The following ERC2 variants were observed in gnomAD, a reference collection of about 807,000 sequenced individuals.
ERC2 encodes ELKS/RAB6-interacting/CAST family member 2, also known as ERC protein 2.
A neutral mutation model predicts 114.8 loss-of-function variants in ERC2; 42 were observed. The ratio of observed to expected loss-of-function variants is 0.37; its 90% CI spans 0.29 to 0.47. The LOEUF (loss-of-function observed/expected upper bound fraction) is 0.47. ERC2 is among the 20% of genes least tolerant of loss of function. The pLI, the probability that ERC2 is intolerant of heterozygous loss-of-function variation, is 0.99. For missense variants in ERC2, 939 were observed against 1,150.7 expected, an observed-to-expected ratio of 0.82 and a Z score of 2.66; for synonymous variants, 454 against 425.5, an observed-to-expected ratio of 1.07 and a Z score of -0.82.
intron 6 of ERC2, among the ~76,000 whole-genome samples, chr3:56,087,802 T>C (rs1452191246): frequency 1.3e-5 from 2 of 152,208 alleles, no homozygotes; most frequent in African/African-American, 2.4e-5. Context: ...TTTTTCCTAA[T>C]CGTAGACTTG....
intron 7 of ERC2, among the ~76,000 whole-genome samples, chr3:56,023,034 C>A (rs1008619237): frequency 2.0e-5 from 3 of 152,156 alleles, no homozygotes; most frequent in Admixed American, 6.6e-5. Flanking sequence ...TGAAGCTCTG[C>A]CCAAGAATTA....
chr3:55,918,776 C>T (rs1316307179), intron 13 of ERC2, among the ~76,000 whole-genome samples: 1 of 150,718 alleles, frequency 6.6e-6, no homozygotes, highest in Non-Finnish European at 1.5e-5. Flanking sequence ...AGTGGGGCCA[C>T]ATCAGACCAT....
chr3:55,556,408 C>T (rs1259215482), intron 17 of ERC2, among the ~76,000 whole-genome samples: 1 of 152,204 alleles, frequency 6.6e-6, no homozygotes, highest in Non-Finnish European at 1.5e-5. Context: ...CACCTTACTT[C>T]CAGGAAGACA....
Position 56,160,803 on chromosome 3 carries a change from T to C in ERC2, c.1150-11671A>G, listed in dbSNP as rs1300111571. Among the ~76,000 whole-genome samples, 3 of 152,218 alleles carry C rather than the reference T, an allele frequency of 2.0e-5. No individual in the cohort carries two copies. In the East Asian group the frequency reaches 5.8e-4, roughly 29 times the overall value. ...AGATGGCAATAGATGTGTGTATTTA[T>C]TTCTGGGTTCTCTATTCTATTCCAC... On this transcript the variant is annotated intron_variant, in intron 4 of 17. Coordinates refer to ENST00000288221, the MANE Select transcript of ERC2 (RefSeq NM_015576.3).
At chr3:55,684,362 C>A (rs962200345) in intron 16 of ERC2, among the ~76,000 whole-genome samples, 4 of 151,960 alleles carry the variant, frequency 2.6e-5, no homozygotes, top group Non-Finnish European at 5.9e-5. Context: ...TGGGGTGGAA[C>A]AAACTTTTTC....
intron 3 of ERC2, among the ~76,000 whole-genome samples, chr3:56,207,243 A>C (rs2048792764): frequency 6.6e-6 from 1 of 152,162 alleles, no homozygotes; most frequent in Admixed American, 6.6e-5. Context: ...TATTTTTAAT[A>C]ACCTTTTCCC....
At chr3:55,911,133 G>C (rs1245197342) in intron 13 of ERC2, among the ~76,000 whole-genome samples, 3 of 152,102 alleles carry the variant, frequency 2.0e-5, no homozygotes, top group Non-Finnish European at 2.9e-5. Context: ...CACATACCCT[G>C]ATGATGTAAC....
At chr3:56,252,897 C>T (rs1232142414) in intron 3 of ERC2, among the ~76,000 whole-genome samples, 1 of 152,052 alleles carries the variant, frequency 6.6e-6, no homozygotes, top group African/African-American at 2.4e-5. Context: ...TAGATCTTCA[C>T]TTGGAAATAG....
At chr3:55,962,218 C>G (rs2068436194) in intron 12 of ERC2, among the ~76,000 whole-genome samples, 1 of 152,232 alleles carries the variant, frequency 6.6e-6, no homozygotes, top group Non-Finnish European at 1.5e-5. Context: ...TAGTTCACAG[C>G]AGACTGATGG....
intron 2 of ERC2, among the ~76,000 whole-genome samples, chr3:56,374,178 C>A (rs1560697292): frequency 6.6e-6 from 1 of 152,156 alleles, no homozygotes; most frequent in South Asian, 2.1e-4. Flanking sequence ...CTCACTGTAA[C>A]CTCCACCTTC....
At chr3:56,204,046 C>T (rs1338195479) in intron 3 of ERC2, among the ~76,000 whole-genome samples, 3 of 152,180 alleles carry the variant, frequency 2.0e-5, no homozygotes, top group Admixed American at 6.5e-5. Context: ...AAAAGTTAGC[C>T]GGGCGTGGTG....
intron 3 of ERC2, among the ~76,000 whole-genome samples, chr3:56,207,361 T>G (rs1053245313): frequency 6.6e-6 from 1 of 152,154 alleles, no homozygotes; most frequent in Admixed American, 6.5e-5. Context: ...ATTAACATTT[T>G]CATTACCTTC....
At chr3:56,343,765 G>T (rs2058195027) in intron 2 of ERC2, among the ~76,000 whole-genome samples, 1 of 152,142 alleles carries the variant, frequency 6.6e-6, no homozygotes, top group Non-Finnish European at 1.5e-5. Flanking sequence ...CAAAGGACAG[G>T]ACACAAAGCA....
chr3:55,923,449 T>C (rs570683715), intron 13 of ERC2, among the ~76,000 whole-genome samples: 1 of 152,232 alleles, frequency 6.6e-6, no homozygotes, highest in Non-Finnish European at 1.5e-5. Flanking sequence ...ATGACAGTGA[T>C]AGTTACACAA....
chr3:55,891,262 A>G (rs907584523), intron 13 of ERC2, among the ~76,000 whole-genome samples: 6 of 152,022 alleles, frequency 3.9e-5, no homozygotes, highest in African/African-American at 1.4e-4. Context: ...CCGTGGAAGC[A>G]AGTTTCAGAT....
chr3:56,453,673 A>G (rs1301398011), intron 1 of ERC2, among the ~76,000 whole-genome samples: 1 of 152,240 alleles, frequency 6.6e-6, no homozygotes, highest in East Asian at 1.9e-4. Context: ...TTTCAGATAC[A>G]GATGCATACA....
At chr3:55,735,728 C>A (rs1281596049) in intron 14 of ERC2, among the ~76,000 whole-genome samples, 3 of 152,138 alleles carry the variant, frequency 2.0e-5, no homozygotes, top group South Asian at 2.1e-4. Flanking sequence ...TCTGCGAAAA[C>A]CCCCCCAAAA....
chr3:55,827,851 C>T (rs1000965668), intron 14 of ERC2, among the ~76,000 whole-genome samples: 1 of 152,182 alleles, frequency 6.6e-6, no homozygotes, highest in Non-Finnish European at 1.5e-5. Context: ...AGTACTACAA[C>T]CCATGATAAA....
chr3:55,682,749 A>G (rs2062119596), intron 17 of ERC2, among the ~76,000 whole-genome samples: 1 of 152,206 alleles, frequency 6.6e-6, no homozygotes, highest in African/African-American at 2.4e-5. Context: ...TAGATTGAAT[A>G]CTTTCTGATC....
Sources: gnomAD v4.1 joint callset for allele counts (sites outside exome capture counted in the v4.1 genomes callset) on GRCh38, gnomAD v4.1.1 for gene constraint, MANE v1.5 for transcripts, NCBI Gene and HGNC (gene_info 2026-07-23, HGNC 2026-07-21) for gene names.